The following GALNT13 variants were observed in gnomAD, a reference collection of about 807,000 sequenced individuals.
GALNT13 encodes the protein UDP-GalNAc:polypeptide N-acetylgalactosaminyltransferase 13.
A neutral mutation model predicts 64.2 loss-of-function variants in GALNT13; 28 were observed. The observed-to-expected ratio is 0.44, with a 90% CI of 0.32 to 0.60. The LOEUF (loss-of-function observed/expected upper bound fraction) is 0.60. Ranked by LOEUF, GALNT13 falls within the 20% of genes least tolerant of loss-of-function variation. GALNT13 has a pLI of 0.05. For synonymous variants in GALNT13, 214 were observed against 224.6 expected (o/e 0.95, Z 0.42); for missense variants, 577 against 669.8 (o/e 0.86, Z 1.53).
chr2:153,131,020 G>T, the GALNT13 span, among the ~76,000 whole-genome samples: 1 of 152,126 alleles, frequency 6.6e-6, no homozygotes, highest in East Asian at 1.9e-4. Context: ...ACATACACAG[G>T]AGAGATATGT....
the GALNT13 span, among the ~76,000 whole-genome samples, chr2:153,748,852 T>C: frequency 6.6e-6 from 1 of 151,866 alleles, no homozygotes. Flanking sequence ...TTTCCACCCT[T>C]ATTATAATGA....
chr2:154,244,635 T>A (rs1689676812), intron 6 of GALNT13, among the ~76,000 whole-genome samples: 2 of 152,154 alleles, frequency 1.3e-5, no homozygotes, highest in South Asian at 4.1e-4. Context: ...CCAATACAAT[T>A]TGAGTAGGCC....
the GALNT13 span, among the ~76,000 whole-genome samples, chr2:153,786,941 C>T: frequency 6.6e-6 from 1 of 152,098 alleles, no homozygotes; most frequent in South Asian, 2.1e-4. Context: ...GAACCGCTGG[C>T]TCGGGTCCAC....
At chr2:154,353,208 AAAT>A (rs1415410401) in intron 9 of GALNT13, among the ~76,000 whole-genome samples, 1 of 152,198 alleles carries the variant, frequency 6.6e-6, no homozygotes, top group Non-Finnish European at 1.5e-5. Context: ...AATTTAAATT[AAAT>A]AATAGAATCT....
intron 4 of GALNT13, among the ~76,000 whole-genome samples, chr2:154,224,528 A>G (rs1413106620): frequency 1.3e-5 from 2 of 152,106 alleles, no homozygotes; most frequent in African/African-American, 4.8e-5. Context: ...GCTGGATATT[A>G]AAAGATAGTA....
the GALNT13 span, among the ~76,000 whole-genome samples, chr2:153,295,527 TAAA>T: frequency 4.2e-3 from 581 of 139,704 alleles, 5 homozygotes; most frequent in Non-Finnish European, 2.3e-3. Context: ...CTGGAGTACC[TAAA>T]AAAAAAAAAA....
the GALNT13 span, among the ~76,000 whole-genome samples, chr2:153,233,444 C>A: frequency 6.6e-6 from 1 of 151,682 alleles, no homozygotes; most frequent in Admixed American, 6.6e-5. Context: ...CAGACCCATT[C>A]GTGCCTTTAG....
At chr2:154,221,391 G>A (rs1688314386) in intron 4 of GALNT13, among the ~76,000 whole-genome samples, 1 of 151,964 alleles carries the variant, frequency 6.6e-6, no homozygotes, top group East Asian at 1.9e-4. Context: ...ATTCTTATTT[G>A]AATAACTCCT....
At chr2:153,093,750 T>C in the GALNT13 span, among the ~76,000 whole-genome samples, 60 of 152,294 alleles carry the variant, frequency 3.9e-4, no homozygotes, top group African/African-American at 1.4e-3. Context: ...TGAGTAGGAT[T>C]GATGTTAGTT....
In GALNT13 at chr2:154,185,856, G is replaced by A. The variant is rs571051099; in HGVS notation, c.311+45351G>A. Among the ~76,000 whole-genome samples, 26 of 151,990 alleles carry A rather than the reference G, an allele frequency of 1.7e-4. 1 individual carries two copies. The South Asian group carries it at 3.5e-3, about 21-fold the overall frequency. ...ATCAAGGTACTTTCTATACTCTGCC[G>A]TATTAAAATGTATTGCCTAGCTTGT... is the stretch of plus-strand genomic sequence containing the variant. On this transcript the variant is annotated intron_variant, in intron 4 of 12. Coordinates refer to ENST00000392825, the MANE Select transcript of GALNT13 (RefSeq NM_052917.4).
intron 7 of GALNT13, among the ~76,000 whole-genome samples, chr2:154,250,614 A>C (rs1056323451): frequency 1.3e-5 from 2 of 152,122 alleles, no homozygotes; most frequent in Non-Finnish European, 2.9e-5. Context: ...CAAAAATATT[A>C]TCACTGAATC....
the GALNT13 span, among the ~76,000 whole-genome samples, chr2:153,143,885 T>C: frequency 2.0e-5 from 3 of 152,016 alleles, no homozygotes; most frequent in African/African-American, 4.8e-5. Context: ...TTTTCAAGTA[T>C]TTTTTTCTGC....
At position 154,389,184 on chromosome 2, in the gene GALNT13, G is replaced by C. The variant is rs149874260; in HGVS notation, c.1157-6807G>C. On this transcript the variant is annotated intron_variant, in intron 9 of 12. Transcript: ENST00000392825. ...GTGGTCTCGCTCTGTCACCCAGGCT[G>C]GAGAACAGTGGTGCCATCTCGGCTC... Among the ~76,000 whole-genome samples, 31 of 152,258 alleles carry C rather than the reference G, an allele frequency of 2.0e-4. No individual in the cohort carries two copies. In the East Asian group the frequency reaches 5.2e-3, roughly 26 times the overall value.
chr2:153,220,517 G>C, the GALNT13 span, among the ~76,000 whole-genome samples: 1 of 152,216 alleles, frequency 6.6e-6, no homozygotes, highest in African/African-American at 2.4e-5. Context: ...CTCTGGTGCT[G>C]GCAGGCACTG....
the GALNT13 span, among the ~76,000 whole-genome samples, chr2:153,325,229 G>A: frequency 1.3e-5 from 2 of 148,914 alleles, no homozygotes; most frequent in Admixed American, 6.8e-5. Flanking sequence ...AGTCTTGGGA[G>A]GTGTATGTGT....
At chr2:153,378,380 C>T in the GALNT13 span, among the ~76,000 whole-genome samples, 1 of 151,632 alleles carries the variant, frequency 6.6e-6, no homozygotes, top group Non-Finnish European at 1.5e-5. Flanking sequence ...TAAATTCATA[C>T]TTAAATGTAT....
At chr2:153,291,475 A>G in the GALNT13 span, among the ~76,000 whole-genome samples, 1 of 152,084 alleles carries the variant, frequency 6.6e-6, no homozygotes, top group African/African-American at 2.4e-5. Context: ...CAACAACAGC[A>G]TTTTCAAAAG....
In GALNT13 at chr2:153,991,007, AC is replaced by A. The variant is rs796657687; in HGVS notation, c.142+46369del. ...GTTCTGATGAAACTCTCATGCAGTA[AC>A]TTCCAAATCTCTGGGGACATATGTT... On this transcript the variant is annotated intron_variant, in intron 3 of 12. Coordinates refer to ENST00000392825, the MANE Select transcript of GALNT13 (RefSeq NM_052917.4). Among the ~76,000 whole-genome samples, 14 of 152,306 alleles carry A rather than the reference AC, an allele frequency of 9.2e-5. 1 individual carries two copies. Among genetic ancestry groups the A allele is most frequent in the African/African-American group, 3.4e-4 (14 of 41,582 alleles).
Position 154,200,135 on chromosome 2 carries a change from A to G in GALNT13, c.312-41895A>G, listed in dbSNP as rs560218978. On this transcript the variant is annotated intron_variant, in intron 4 of 12. Transcript: ENST00000392825. ...CAAATTGTTATCCCTGTAAGATTTC[A>G]TTTTAGGAGTCATGAAGATATATTG... is the stretch of plus-strand genomic sequence containing the variant. Among the ~76,000 whole-genome samples the G allele has an allele frequency of 3.9e-4, 60 of 152,204 alleles. 4 individuals are homozygous for G. Among genetic ancestry groups the G allele is most frequent in the African/African-American group, 1.2e-3 (49 of 41,558 alleles).
Sources: allele counts gnomAD v4.1 joint callset (sites outside exome capture counted in the v4.1 genomes callset), GRCh38; gene constraint gnomAD v4.1.1; transcripts MANE v1.5; gene names NCBI Gene and HGNC (gene_info 2026-07-23, HGNC 2026-07-21).